The following RP1 variants were observed in gnomAD, a reference collection of about 807,000 sequenced individuals.
The protein encoded by RP1 is oxygen-regulated protein 1.
Under a neutral mutation model 14.8 loss-of-function variants are expected in RP1, and 16 were observed. The ratio of observed to expected loss-of-function variants is 1.08; its 90% CI spans 0.73 to 1.65. The LOEUF (loss-of-function observed/expected upper bound fraction) is 1.65, where lower values mean the gene tolerates loss of function less well. Ranked by LOEUF, RP1 falls within the 40% of genes most tolerant of loss-of-function variation. The pLI is 0.00. For missense variants in RP1, 2,631 were observed against 2,535.0 expected (o/e 1.04, Z -0.81); for synonymous variants, 876 against 883.6 (o/e 0.99, Z 0.15).
chr8:54,847,658 C>T (rs1157104626), intron 25 of RP1, among the ~76,000 whole-genome samples: 1 of 152,214 alleles, frequency 6.6e-6, no homozygotes, highest in Non-Finnish European at 1.5e-5. Flanking sequence ...GCTCTGGGAG[C>T]CCCTCTACTC....
At chr8:54,603,021 T>C (rs1805330087) in intron 1 of RP1, among the ~76,000 whole-genome samples, 1 of 152,238 alleles carries the variant, frequency 6.6e-6, no homozygotes, top group Admixed American at 6.5e-5. Context: ...TCTTCTGCTG[T>C]GTGGAAGCTC....
chr8:54,708,099 C>A (rs1039845176), intron 15 of RP1, among the ~76,000 whole-genome samples: 1 of 152,158 alleles, frequency 6.6e-6, no homozygotes, highest in Non-Finnish European at 1.5e-5. Flanking sequence ...GTTATACAAG[C>A]CTTTCCCTTC....
intron 19 of RP1, among the ~76,000 whole-genome samples, chr8:54,744,040 T>C (rs1809162959): frequency 1.3e-5 from 2 of 152,218 alleles, no homozygotes; most frequent in South Asian, 2.1e-4. Flanking sequence ...TGCCCTGTGG[T>C]AGGGAAATCT....
chr8:54,587,085 C>T (rs1195393404), intron 1 of RP1, among the ~76,000 whole-genome samples: 1 of 152,212 alleles, frequency 6.6e-6, no homozygotes, highest in Admixed American at 6.5e-5. Flanking sequence ...TTCTGCGTTG[C>T]TCATGCTGGG....
At chr8:54,661,833 T>C (rs1047358006) in intron 6 of RP1, among the ~76,000 whole-genome samples, 5 of 152,186 alleles carry the variant, frequency 3.3e-5, no homozygotes, top group Admixed American at 1.3e-4. Flanking sequence ...ATGATTTCTA[T>C]TTATCTGTCT....
At chr8:54,798,892 G>A (rs578164392) in intron 24 of RP1, among the ~76,000 whole-genome samples, 1 of 151,690 alleles carries the variant, frequency 6.6e-6, no homozygotes, top group East Asian at 1.9e-4. Flanking sequence ...CATACATATT[G>A]TATATGTAAT....
intron 1 of RP1, chr8:54,561,640 G>C (rs1229138173): frequency 6.6e-6 from 1 of 152,122 alleles, no homozygotes; most frequent in Non-Finnish European, 1.5e-5. Context: ...AGTGAGATGT[G>C]GCTTTTCAGA....
At chr8:54,655,337 G>T (rs1311556943) in intron 5 of RP1, among the ~76,000 whole-genome samples, 1 of 152,102 alleles carries the variant, frequency 6.6e-6, no homozygotes, top group East Asian at 1.9e-4. Flanking sequence ...ATTCAGAAAA[G>T]GCTAGACTTT....
chr8:54,805,224 C>A (rs902611207), intron 24 of RP1, among the ~76,000 whole-genome samples: 1 of 152,130 alleles, frequency 6.6e-6, no homozygotes, highest in African/African-American at 2.4e-5. Flanking sequence ...TAACTGTTTT[C>A]TGAATATCGT....
chr8:54,826,649 A>C (rs1401981746), intron 24 of RP1, among the ~76,000 whole-genome samples: 2 of 152,248 alleles, frequency 1.3e-5, no homozygotes, highest in Admixed American at 6.5e-5. Context: ...AATGTAATGT[A>C]TATTTTACAA....
At chr8:54,808,407 T>C (rs1810910215) in intron 24 of RP1, among the ~76,000 whole-genome samples, 1 of 152,196 alleles carries the variant, frequency 6.6e-6, no homozygotes, top group African/African-American at 2.4e-5. Flanking sequence ...AGTGGACATC[T>C]TTGCATTCCC....
chr8:54,561,244 A>G (rs1804280323), intron 1 of RP1, among the ~76,000 whole-genome samples: 1 of 152,166 alleles, frequency 6.6e-6, no homozygotes, highest in African/African-American at 2.4e-5. Context: ...GGTAAATTCA[A>G]AATTAATGGC....
At chr8:54,693,766 A>G (rs1807780426) in intron 12 of RP1, among the ~76,000 whole-genome samples, 1 of 152,188 alleles carries the variant, frequency 6.6e-6, no homozygotes, top group Non-Finnish European at 1.5e-5. Flanking sequence ...ATCTGCAAAC[A>G]TGGACAATTT....
chr8:54,813,404 C>T (rs1811061071), intron 24 of RP1, among the ~76,000 whole-genome samples: 1 of 152,158 alleles, frequency 6.6e-6, no homozygotes, highest in Non-Finnish European at 1.5e-5. Context: ...CGTGGTTAAC[C>T]TTTGCCCTGA....
At chr8:54,706,386 C>G (rs1030642141) in intron 14 of RP1, 57 of 1,507,234 alleles carry the variant, frequency 3.8e-5, no homozygotes, top group Admixed American at 1.4e-4. Flanking sequence ...TTGTCTCCCT[C>G]TAGCAAAACA....
intron 1 of RP1, among the ~76,000 whole-genome samples, chr8:54,566,535 G>A (rs1388496701): frequency 6.6e-6 from 1 of 152,198 alleles, no homozygotes; most frequent in Admixed American, 6.5e-5. Context: ...GGAAGGAGTG[G>A]CTAGAGGAAT....
At chr8:54,673,378 G>T (rs571493566) in intron 7 of RP1, among the ~76,000 whole-genome samples, 245 of 152,168 alleles carry the variant, frequency 1.6e-3, no homozygotes, top group Non-Finnish European at 2.8e-3. Flanking sequence ...CTTTTTGTCT[G>T]TATTCTGAAT....
intron 12 of RP1, among the ~76,000 whole-genome samples, chr8:54,690,514 C>T (rs1395895835): frequency 1.3e-5 from 2 of 152,076 alleles, no homozygotes; most frequent in East Asian, 1.9e-4. Flanking sequence ...TGGGTATTGT[C>T]TGGTTCAGCC....
In RP1 at chr8:54,623,894, G is replaced by A. The variant is rs911726317; in HGVS notation, c.788-776G>A. ...GGCTGCCTTGTTTGAATAGGTAAGC[G>A]GTATTTGGTTAGACTCCAGTTTCAG... On this transcript the variant is annotated intron_variant, in intron 3 of 3. Transcript: ENST00000220676. Among the ~76,000 whole-genome samples the A allele has an allele frequency of 2.6e-5, 4 of 152,014 alleles. 1 individual carries two copies. Among genetic ancestry groups the A allele is most frequent in the East Asian group, 3.9e-4 (2 of 5,194 alleles).
Sources: gnomAD v4.1 joint callset for allele counts (sites outside exome capture counted in the v4.1 genomes callset) on GRCh38, gnomAD v4.1.1 for gene constraint, MANE v1.5 for transcripts, NCBI Gene and HGNC (gene_info 2026-07-23, HGNC 2026-07-21) for gene names.